GALNS: variants seen among roughly 807,000 people sequenced by gnomAD.
The protein encoded by GALNS is galactosamine (N-acetyl)-6-sulfatase.
A neutral mutation model predicts 65.9 loss-of-function variants in GALNS; 65 were observed. The observed-to-expected ratio is 0.99, with a 90% CI of 0.81 to 1.21. The LOEUF is 1.21. Among genes scored for constraint, GALNS ranks in the 50% most tolerant of loss-of-function variants. GALNS has a pLI of 0.00. For missense variants in GALNS, 776 were observed against 700.7 expected (o/e 1.11, Z -1.21); for synonymous variants, 346 against 288.9 (o/e 1.20, Z -2.00).
intron 9 of GALNS, 143 bp downstream of exon 9, chr16:88,831,855 G>C (rs1366401655): frequency 9.7e-6 from 7 of 718,320 alleles, no homozygotes; most frequent in Non-Finnish European, 1.7e-5. Context: ...GTGCGTGGAG[G>C]CTGAGCACAG....
At chr16:88,841,497 G>T (rs1966970856) in intron 3 of GALNS, among the ~76,000 whole-genome samples, 1 of 152,134 alleles carries the variant, frequency 6.6e-6, no homozygotes, top group African/African-American at 2.4e-5. Flanking sequence ...AATGCCACTG[G>T]AAATCCCACT....
chr16:88,824,156 T>G (rs1910551782), intron 11 of GALNS, among the ~76,000 whole-genome samples: 1 of 150,074 alleles, frequency 6.7e-6, no homozygotes, highest in African/African-American at 2.5e-5. Context: ...TGGGAGTGGG[T>G]GGGGCTGAGA....
At chr16:88,828,461 G>A (rs1211938766) in intron 9 of GALNS, among the ~76,000 whole-genome samples, 1 of 152,202 alleles carries the variant, frequency 6.6e-6, no homozygotes, top group Admixed American at 6.5e-5. Context: ...GGGCTGCAGG[G>A]ACTAAAGCCT....
intron 7 of GALNS, among the ~76,000 whole-genome samples, 177 bp downstream of exon 7, chr16:88,835,548 A>AC (rs1415796648): frequency 6.6e-6 from 1 of 151,868 alleles, no homozygotes; most frequent in Non-Finnish European, 1.5e-5. Flanking sequence ...CAGAGCCAGC[A>AC]CCCCCACCAC....
In GALNS at chr16:88,842,724, T is replaced by C. The variant is rs1967033242; in HGVS notation, c.226A>G (p.Asn76Asp). The C allele has an allele frequency of 6.2e-7, 1 of 1,612,852 alleles. No individual in the cohort carries two copies. Among genetic ancestry groups the C allele is most frequent in the African/African-American group, 1.3e-5 (1 of 74,924 alleles). ...GLLFPNFYSA[N>D]PLCSPSRAAL... The stretch of plus-strand genomic sequence containing the variant: ...GACTTACATGGCGAGCACAGAGGGT[T>C]GGCAGAATAGAAGTTTGGGAAAAGC... The change falls in exon 2 of 14, where the codon AAC becomes GAC. Residue 76 changes from asparagine to aspartate, a missense_variant. Transcript: ENST00000268695.
intron 12 of GALNS, among the ~76,000 whole-genome samples, chr16:88,820,609 G>C (rs115530299): frequency 0.042 from 6,328 of 152,302 alleles, 164 homozygotes; most frequent in South Asian, 0.083. Context: ...CCTGCTGCCT[G>C]GGTTTGCTTT....
chr16:88,833,078 A>G (rs1268385479), intron 8 of GALNS, among the ~76,000 whole-genome samples: 1 of 47,950 alleles, frequency 2.1e-5, no homozygotes, highest in Non-Finnish European at 3.6e-5. Context: ...ACTCCTTCTC[A>G]AAAAAAAAAA....
intron 11 of GALNS, among the ~76,000 whole-genome samples, chr16:88,824,340 G>T (rs930337788): frequency 2.0e-5 from 3 of 152,046 alleles, no homozygotes; most frequent in Non-Finnish European, 4.4e-5. Context: ...TGCGTGTGGC[G>T]TTTCACCCTC....
At chr16:88,852,135 G>A (rs1967534320) in intron 1 of GALNS, among the ~76,000 whole-genome samples, 1 of 152,200 alleles carries the variant, frequency 6.6e-6, no homozygotes, top group South Asian at 2.1e-4. Context: ...ATACAGGCAG[G>A]TGCCCCTCTG....
intron 11 of GALNS, among the ~76,000 whole-genome samples, chr16:88,822,975 C>A (rs1160433764): frequency 6.6e-6 from 1 of 152,202 alleles, no homozygotes; most frequent in East Asian, 1.9e-4. Context: ...GTGAAGCCAC[C>A]CGCTCTGGGC....
At chr16:88,854,854 C>T (rs1237657142) in intron 1 of GALNS, among the ~76,000 whole-genome samples, 1 of 152,250 alleles carries the variant, frequency 6.6e-6, no homozygotes, top group African/African-American at 2.4e-5. Flanking sequence ...AAAGTCCTTA[C>T]AAGTACACCT....
chr16:88,856,278 G>T (rs917361699), intron 1 of GALNS: 2 of 702,908 alleles, frequency 2.8e-6, no homozygotes, highest in Non-Finnish European at 5.2e-6. Flanking sequence ...GGGACCCGGC[G>T]GCCCGAGGTG....
chr16:88,820,627 C>T (rs1036622396), intron 12 of GALNS, among the ~76,000 whole-genome samples: 1 of 152,248 alleles, frequency 6.6e-6, no homozygotes, highest in African/African-American at 2.4e-5. Flanking sequence ...TTTGAAATAA[C>T]CCTGCCTTCT....
intron 6 of GALNS, 109 bp from the exon 7 acceptor site, chr16:88,835,958 T>A: frequency 2.0e-6 from 3 of 1,514,982 alleles, no homozygotes; most frequent in Non-Finnish European, 2.7e-6. Flanking sequence ...GCGGTCCCCG[T>A]CCCCACGCGT....
chr16:88,849,439 C>G (rs775765500), intron 1 of GALNS, among the ~76,000 whole-genome samples: 12 of 152,158 alleles, frequency 7.9e-5, no homozygotes, highest in Non-Finnish European at 1.5e-4. Flanking sequence ...CACCCACCAC[C>G]AAGCTCATCT....
chr16:88,848,150 CAGAA>C, intron 1 of GALNS, among the ~76,000 whole-genome samples: 1 of 152,334 alleles, frequency 6.6e-6, no homozygotes, highest in Middle Eastern at 3.4e-3. Flanking sequence ...TCCTTAGAGA[CAGAA>C]AGGGGAGCGG....
chr16:88,834,984 CTG>C (rs753834655), intron 8 of GALNS, among the ~76,000 whole-genome samples: 1 of 138,640 alleles, frequency 7.2e-6, no homozygotes, highest in Non-Finnish European at 1.6e-5. Flanking sequence ...ACCCTCTCCC[CTG>C]TGTCACCTCC....
At chr16:88,828,281 G>T (rs1432647921) in intron 9 of GALNS, among the ~76,000 whole-genome samples, 1 of 152,130 alleles carries the variant, frequency 6.6e-6, no homozygotes, top group Non-Finnish European at 1.5e-5. Context: ...CGGCAGGGCG[G>T]GCGGGCGGGA....
At chr16:88,852,190 T>C (rs1361324457) in intron 1 of GALNS, among the ~76,000 whole-genome samples, 2 of 152,210 alleles carry the variant, frequency 1.3e-5, no homozygotes, top group Non-Finnish European at 2.9e-5. Context: ...TATTTACTAT[T>C]CTGCAATAGT....
Sources: gnomAD v4.1 joint callset for allele counts (sites outside exome capture counted in the v4.1 genomes callset) on GRCh38, gnomAD v4.1.1 for gene constraint, MANE v1.5 for transcripts, NCBI Gene and HGNC (gene_info 2026-07-23, HGNC 2026-07-21) for gene names.